Variants in MX1 observed in about 807,000 individuals in gnomAD.
MX1 encodes interferon-induced GTP-binding protein Mx1.
MX1 carries 66 observed loss-of-function variants against 66.4 expected under a neutral mutation model. The ratio of observed to expected loss-of-function variants is 0.99; its 90% CI spans 0.82 to 1.22. The LOEUF is 1.22. Ranked by LOEUF, MX1 falls within the 50% of genes most tolerant of loss-of-function variation. The probability of loss-of-function intolerance (pLI) is 0.00; values close to 1 mark genes in which losing one functional copy is unlikely to be tolerated. For synonymous variants in MX1, 311 were observed against 318.1 expected (o/e 0.98, Z 0.24); for missense variants, 787 against 834.3 (o/e 0.94, Z 0.70).
intron 16 of MX1, among the ~76,000 whole-genome samples, chr21:41,455,907 G>T (rs1397449609): frequency 6.6e-6 from 1 of 152,234 alleles, no homozygotes; most frequent in African/African-American, 2.4e-5. Context: ...GGTATATTAG[G>T]ATTGTGCAGG....
chr21:41,426,772 G>C (rs879259445), intron 1 of MX1: 3 of 152,300 alleles, frequency 2.0e-5, no homozygotes, highest in Non-Finnish European at 4.4e-5. Flanking sequence ...AGTTCTCGCC[G>C]ATCCTGCTGA....
chr21:41,433,385 A>G (rs2090276545), intron 5 of MX1, among the ~76,000 whole-genome samples: 1 of 152,226 alleles, frequency 6.6e-6, no homozygotes, highest in Admixed American at 6.5e-5. Flanking sequence ...TGTTTATAAC[A>G]GCAAAACTCA....
intron 16 of MX1, among the ~76,000 whole-genome samples, chr21:41,457,595 C>T (rs909201620): frequency 6.6e-6 from 1 of 152,194 alleles, no homozygotes; most frequent in Admixed American, 6.5e-5. Context: ...CACTTCCCCT[C>T]TGCGTTGGGT....
chr21:41,448,585 C>T (rs891119460), intron 13 of MX1, among the ~76,000 whole-genome samples: 14 of 152,244 alleles, frequency 9.2e-5, no homozygotes, highest in African/African-American at 3.4e-4. Context: ...GCAGGTGGAT[C>T]ATGAGGTCAG....
chr21:41,446,281 G>A (rs554676894), intron 13 of MX1, 140 bp downstream of exon 13: 2 of 785,340 alleles, frequency 2.5e-6, no homozygotes, highest in South Asian at 1.7e-5. Context: ...TTGGTGTCTG[G>A]TGAGAGCTTG....
intron 15 of MX1, among the ~76,000 whole-genome samples, chr21:41,451,845 A>G (rs2146335466): frequency 6.9e-6 from 1 of 145,332 alleles, no homozygotes; most frequent in Non-Finnish European, 1.5e-5. Flanking sequence ...AAAAAAAAAA[A>G]AAAAAACAAA....
chr21:41,431,796 C>T (rs1017198724), intron 4 of MX1: 12 of 395,006 alleles, frequency 3.0e-5, no homozygotes, highest in African/African-American at 1.8e-4. Context: ...CTTGAAGCGC[C>T]TTGAGCAGGG....
intron 6 of MX1, among the ~76,000 whole-genome samples, chr21:41,436,612 G>T (rs2090369821): frequency 6.6e-6 from 1 of 152,220 alleles, no homozygotes; most frequent in Non-Finnish European, 1.5e-5. Flanking sequence ...TAGGAGGACT[G>T]TTGTAAGGTG....
intron 7 of MX1, among the ~76,000 whole-genome samples, chr21:41,437,413 G>A (rs897497207): frequency 2.0e-5 from 3 of 152,062 alleles, no homozygotes; most frequent in Non-Finnish European, 4.4e-5. Flanking sequence ...CTGACACGGG[G>A]GGATTGCTTG....
chr21:41,458,070 C>A (rs1380982011), intron 16 of MX1, among the ~76,000 whole-genome samples: 1 of 152,150 alleles, frequency 6.6e-6, no homozygotes, highest in Non-Finnish European at 1.5e-5. Flanking sequence ...ATGGCGCGAT[C>A]CCAGCTCACT....
Position 41,452,860 on chromosome 21 carries a change from C to G in MX1, c.1749C>G (p.Ala583=), listed in dbSNP as rs1306699883. 6 of 1,614,050 alleles carry G rather than the reference C, an allele frequency of 3.7e-6. No individual in the cohort carries two copies. The highest frequency in any genetic ancestry group is 1.7e-5 in the Admixed American group (1 of 59,998). ...AGGAGATCTTTCAGCACCTGATGGC[C>G]TATCACCAGGTACGTCTTCGCGTGG... ...SMEEIFQHLM[A]YHQEASKRIS... Residue 583 remains alanine, a synonymous_variant, in exon 16 of 17, where the codon GCC becomes GCG. Coordinates refer to ENST00000398598, the MANE Select transcript of MX1 (RefSeq NM_002462.5).
chr21:41,433,882 C>A (rs1052726894), intron 5 of MX1, among the ~76,000 whole-genome samples: 2 of 152,088 alleles, frequency 1.3e-5, no homozygotes, highest in Non-Finnish European at 2.9e-5. Flanking sequence ...GAACTAAGAC[C>A]GAGGCTACCA....
chr21:41,442,024 T>TGTGC (rs764550165), intron 10 of MX1, 110 bp downstream of exon 10: 20 of 987,682 alleles, frequency 2.0e-5, no homozygotes, highest in Admixed American at 7.8e-5. Flanking sequence ...TGTGTGTGTG[T>TGTGC]GCGTGTGTGT....
Position 41,449,174 on chromosome 21 carries a change from A to G in MX1, c.1311A>G (p.Glu437=). The G allele has an allele frequency of 6.2e-7, 1 of 1,612,620 alleles. No homozygotes were observed. The highest frequency in any genetic ancestry group is 1.1e-5 in the South Asian group (1 of 90,534). Residue 437 remains glutamate, a synonymous_variant, in exon 14 of 17, where the codon GAA becomes GAG. Transcript: ENST00000398598. ...KILSRKIQKF[E]NQYRGRELPG... is the part of the protein sequence containing the mutation. ...TGAGTAGAAAAATCCAGAAATTTGAAAATCAGTATCGTGGTAGAGAGCTGC... is the reference window on the plus strand; with the variant it reads ...TGAGTAGAAAAATCCAGAAATTTGAGAATCAGTATCGTGGTAGAGAGCTGC...
chr21:41,440,791 C>T, intron 8 of MX1, 96 bp from the exon 9 acceptor site: 1 of 1,433,794 alleles, frequency 7.0e-7, no homozygotes, highest in Non-Finnish European at 9.8e-7. Flanking sequence ...ACCCCTGGGA[C>T]TCTTAGGGCC....
chr21:41,454,761 T>C (rs190816801), intron 16 of MX1, among the ~76,000 whole-genome samples: 1 of 152,270 alleles, frequency 6.6e-6, no homozygotes, highest in East Asian at 1.9e-4. Context: ...TTGTAATCTC[T>C]CGGTTTATCA....
Position 41,443,771 on chromosome 21 carries a change from C to T in MX1, c.930-17C>T. On this transcript the variant is annotated splice_polypyrimidine_tract_variant and intron_variant, in intron 10 of 16. Coordinates refer to ENST00000398598, the MANE Select transcript of MX1 (RefSeq NM_002462.5). ...TGGCTACATCAAGGTGGAAATCGGTCCTGTGTTCTCTTCTAGGGATCTGCT... is the reference window on the plus strand; with the variant it reads ...TGGCTACATCAAGGTGGAAATCGGTTCTGTGTTCTCTTCTAGGGATCTGCT... 1.9e-6 allele frequency: 3 copies of T among 1,613,764 alleles called. No individual in the cohort carries two copies. Among genetic ancestry groups the T allele is most frequent in the Non-Finnish European group, 2.5e-6 (3 of 1,179,668 alleles).
In MX1 at chr21:41,441,022, A is replaced by C; in HGVS notation, c.727A>C (p.Ile243Leu). 6.8e-6 allele frequency: 11 copies of C among 1,612,766 alleles called. No individual in the cohort carries two copies. Among genetic ancestry groups the C allele is most frequent in the Non-Finnish European group, 6.8e-6 (8 of 1,179,388 alleles). The change falls in exon 9 of 17, where the codon ATC (isoleucine) becomes CTC (leucine). Residue 243 changes from isoleucine to leucine, a missense_variant. Physicochemically the swap from Ile to Leu is conservative, Grantham distance 5. Coordinates refer to ENST00000398598, the MANE Select transcript of MX1 (RefSeq NM_002462.5). This position sits in a 1 kb window ranked among gnomAD's most constrained non-coding sequence, Gnocchi z 4.0. ...QEVDPEGDRT[I>L]GILTKPDLVD... is the part of the protein sequence containing the mutation. ...GGTGGACCCCGAGGGAGACAGGACCATCGGTGAGAGTGGGGGAGCCCCACT... is the reference window on the plus strand; with the variant it reads ...GGTGGACCCCGAGGGAGACAGGACCCTCGGTGAGAGTGGGGGAGCCCCACT...
chr21:41,444,230 T>C (rs2090597106), intron 11 of MX1, among the ~76,000 whole-genome samples: 1 of 152,106 alleles, frequency 6.6e-6, no homozygotes, highest in African/African-American at 2.4e-5. Context: ...TTCTAAAAGC[T>C]TTGTAAAAGC....
Sources: gnomAD v4.1 joint callset for allele counts (sites outside exome capture counted in the v4.1 genomes callset) on GRCh38, gnomAD v4.1.1 for gene constraint, Gnocchi (gnomAD v3.1) non-coding constraint, MANE v1.5 for transcripts, NCBI Gene and HGNC (gene_info 2026-07-23, HGNC 2026-07-21) for gene names.